The following WWP2 variants were observed in gnomAD, a reference collection of about 807,000 sequenced individuals.
WWP2 encodes NEDD4-like E3 ubiquitin-protein ligase WWP2.
In WWP2, 57 loss-of-function variants were observed where a neutral mutation model predicts 121.0. That is an observed-to-expected ratio of 0.47 (90% CI 0.38 to 0.59). The LOEUF is 0.59. Among genes scored for constraint, WWP2 ranks in the 20% least tolerant of loss-of-function variants. WWP2 has a pLI of 0.00. For synonymous variants in WWP2, 449 were observed against 441.3 expected (o/e 1.02, Z -0.22); for missense variants, 962 against 1,158.9 (o/e 0.83, Z 2.47).
intron 8 of WWP2, among the ~76,000 whole-genome samples, chr16:69,891,073 C>T (rs528936686): frequency 6.6e-6 from 1 of 152,042 alleles, no homozygotes; most frequent in African/African-American, 2.4e-5. Context: ...TGGGCTGACT[C>T]GGGGCCTGGA....
At chr16:69,780,733 A>C (rs2055645870) in intron 1 of WWP2, among the ~76,000 whole-genome samples, 1 of 152,166 alleles carries the variant, frequency 6.6e-6, no homozygotes. Flanking sequence ...GCCTGGTGAA[A>C]TGGCTCATGC....
intron 1 of WWP2, among the ~76,000 whole-genome samples, chr16:69,775,732 TAGAC>T (rs1427974081): frequency 6.6e-6 from 1 of 152,236 alleles, no homozygotes; most frequent in African/African-American, 2.4e-5. Context: ...CATTGAGAGC[TAGAC>T]ATTGACCTTC....
At chr16:69,846,468 C>T (rs996880149) in intron 6 of WWP2, among the ~76,000 whole-genome samples, 1 of 152,028 alleles carries the variant, frequency 6.6e-6, no homozygotes, top group Non-Finnish European at 1.5e-5. Flanking sequence ...GCCTGTAATC[C>T]CAGCATTTTG....
intron 7 of WWP2, among the ~76,000 whole-genome samples, chr16:69,885,122 C>CACACACACAA (rs2057901432): frequency 6.6e-6 from 1 of 150,520 alleles, no homozygotes. Flanking sequence ...CACACACACA[C>CACACACACAA]ACACACACAC....
chr16:69,845,040 G>A (rs1180313385), intron 6 of WWP2, among the ~76,000 whole-genome samples: 2 of 152,254 alleles, frequency 1.3e-5, no homozygotes, highest in Admixed American at 6.5e-5. Context: ...AAAGGTGTAG[G>A]GCTTTGGAAT....
chr16:69,784,646 G>A (rs548319663), intron 1 of WWP2, among the ~76,000 whole-genome samples: 8 of 152,274 alleles, frequency 5.3e-5, no homozygotes, highest in Middle Eastern at 3.4e-3. Flanking sequence ...TCCTGAGCAC[G>A]TGTTTTTAAT....
chr16:69,815,847 G>A (rs1323496899), intron 4 of WWP2, among the ~76,000 whole-genome samples: 1 of 150,326 alleles, frequency 6.7e-6, no homozygotes. Flanking sequence ...CTCAACACAT[G>A]TTCCCAATTT....
chr16:69,899,783 A>T (rs917267823), intron 8 of WWP2, among the ~76,000 whole-genome samples: 4 of 150,622 alleles, frequency 2.7e-5, no homozygotes. Flanking sequence ...CTGGGGTGGC[A>T]TAATTTAATT....
intron 4 of WWP2, among the ~76,000 whole-genome samples, chr16:69,839,250 C>G (rs559223305): frequency 6.6e-6 from 1 of 152,274 alleles, no homozygotes; most frequent in East Asian, 1.9e-4. Context: ...CTGATTCCCT[C>G]TTGGTAATTA....
intron 4 of WWP2, among the ~76,000 whole-genome samples, chr16:69,807,093 A>G (rs2056294393): frequency 6.6e-6 from 1 of 151,044 alleles, no homozygotes; most frequent in South Asian, 2.1e-4. Flanking sequence ...CAATGGCATG[A>G]TCTTGGCTCA....
chr16:69,796,006 AT>A (rs1033205383), intron 2 of WWP2, among the ~76,000 whole-genome samples: 8 of 150,158 alleles, frequency 5.3e-5, no homozygotes, highest in African/African-American at 1.5e-4. Flanking sequence ...ACCAGAACAA[AT>A]TTTTTTTTCT....
intron 4 of WWP2, among the ~76,000 whole-genome samples, chr16:69,814,781 G>A (rs907401211): frequency 2.6e-5 from 4 of 152,124 alleles, no homozygotes; most frequent in African/African-American, 4.8e-5. Context: ...TGGATGGGCC[G>A]TGGGTCTTGA....
intron 6 of WWP2, among the ~76,000 whole-genome samples, chr16:69,853,360 G>A (rs1218255399): frequency 6.6e-6 from 1 of 152,134 alleles, no homozygotes; most frequent in Non-Finnish European, 1.5e-5. Flanking sequence ...CCTTGCAACC[G>A]CTTTATGTAT....
chr16:69,823,090 C>A (rs2056622830), intron 4 of WWP2, among the ~76,000 whole-genome samples: 1 of 152,164 alleles, frequency 6.6e-6, no homozygotes, highest in Non-Finnish European at 1.5e-5. Context: ...AAGATCGCGC[C>A]ACTGCACTCC....
At chr16:69,802,446 T>C (rs936154019) in intron 4 of WWP2, among the ~76,000 whole-genome samples, 5 of 152,172 alleles carry the variant, frequency 3.3e-5, no homozygotes, top group Non-Finnish European at 7.3e-5. Flanking sequence ...CAGCTACCGC[T>C]CTACTTTCTG....
At chr16:69,939,714 G>T in intron 23 of WWP2, 127 bp from the exon 24 acceptor site, 2 of 773,504 alleles carry the variant, frequency 2.6e-6, no homozygotes, top group South Asian at 1.8e-5. Context: ...GTGAAGGCCT[G>T]ACTGGCAGCC....
At chr16:69,905,055 C>T (rs13338793) in intron 8 of WWP2, among the ~76,000 whole-genome samples, 5,707 of 152,238 alleles carry the variant, frequency 0.037, 304 homozygotes, top group African/African-American at 0.12. Context: ...TCAGACCACG[C>T]CCAAATAAGG....
chr16:69,771,467 G>A (rs368497082), intron 1 of WWP2, among the ~76,000 whole-genome samples: 3 of 152,178 alleles, frequency 2.0e-5, no homozygotes, highest in Non-Finnish European at 2.9e-5. Context: ...GGCTGGTCTC[G>A]AAATCCTGAC....
intron 1 of WWP2, among the ~76,000 whole-genome samples, chr16:69,762,620 A>G (rs1224811697): frequency 2.0e-5 from 3 of 151,486 alleles, no homozygotes; most frequent in Non-Finnish European, 4.4e-5. Context: ...GTTGCTCCGA[A>G]ATGGGTGCCC....
Sources: gnomAD v4.1 joint callset for allele counts (sites outside exome capture counted in the v4.1 genomes callset) on GRCh38, gnomAD v4.1.1 for gene constraint, MANE v1.5 for transcripts, NCBI Gene and HGNC (gene_info 2026-07-23, HGNC 2026-07-21) for gene names.